ABCA9: variants seen among roughly 807,000 people sequenced by gnomAD.
ABCA9 encodes the protein ATP binding cassette subfamily A member 9.
A neutral mutation model predicts 205.3 loss-of-function variants in ABCA9; 183 were observed. The observed-to-expected ratio is 0.89, with a 90% CI of 0.79 to 1.01. ABCA9 has a LOEUF of 1.01. Ranked by LOEUF, ABCA9 falls within the 50% of genes least tolerant of loss-of-function variation. ABCA9 has a pLI of 0.00. For missense variants in ABCA9, 1,805 were observed against 1,912.4 expected, an observed-to-expected ratio of 0.94 and a Z score of 1.05; for synonymous variants, 651 against 683.3, an observed-to-expected ratio of 0.95 and a Z score of 0.74.
At position 68,993,080 on chromosome 17, in the gene ABCA9, G is replaced by A. The variant is rs777090048; in HGVS notation, c.3560C>T (p.Ser1187Phe). 4 of 1,612,982 alleles carry A rather than the reference G, an allele frequency of 2.5e-6. No individual in the cohort carries two copies. The highest frequency in any genetic ancestry group is 1.1e-5 in the South Asian group (1 of 91,034). ...TCCTAAGTAATCCATGGAATCAGGA[G>A]AAATCTGTAAAATGAGCAGTAAGTG... ...IGSLFIFSEI[S>F]PDSMDYLGAS... Residue 1187 changes from serine (S) to phenylalanine (F), a missense_variant, in exon 27 of 39, where the codon TCT becomes TTT. Physicochemically the swap from Ser to Phe is radical, Grantham distance 155 (BLOSUM62 -2). Coordinates refer to ENST00000340001, the MANE Select transcript of ABCA9 (RefSeq NM_080283.4).
chr17:69,073,675 T>C, the ABCA9 span, among the ~76,000 whole-genome samples: 1 of 152,034 alleles, frequency 6.6e-6, no homozygotes, highest in Non-Finnish European at 1.5e-5. Context: ...CACCCTAACA[T>C]TACAATTAAA....
At chr17:69,075,311 C>A in the ABCA9 span, among the ~76,000 whole-genome samples, 1 of 152,102 alleles carries the variant, frequency 6.6e-6, no homozygotes, top group African/African-American at 2.4e-5. Flanking sequence ...GTCATAAATT[C>A]TTTCCTAAGG....
In ABCA9 at chr17:69,060,906, T is replaced by A; in HGVS notation, c.-54A>T. On this transcript the variant is annotated 5_prime_UTR_variant, in exon 1 of 39. The change abolishes an upstream ATG in the 5' untranslated region. Transcript: ENST00000340001. ...AGGAAAAATCTAGAAACACAGTTCA[T>A]CCATGGGTCTCTGCATGTTCTGGAG... is the stretch of plus-strand genomic sequence containing the variant. The A allele has an allele frequency of 2.0e-6, 2 of 985,450 alleles. No homozygotes were observed. The highest frequency in any genetic ancestry group is 2.4e-6 in the Non-Finnish European group (2 of 829,934). The allele number at this position is 985,450 out of a possible 1,614,324, so 61.0% of individuals were successfully genotyped here.
chr17:69,020,395 A>G lies in ABCA9; in HGVS notation c.2593T>C (p.Trp865Arg), dbSNP rs367773788. ...LKLKKERKSL[W>R]TILLLFGISF... Reference sequence around the variant, plus strand: ...AAACACTCAGATACTCACATAGTCCACAGGCTTTTTCTTTCTTTCTTTAAC... The same window carrying G: ...AAACACTCAGATACTCACATAGTCCGCAGGCTTTTTCTTTCTTTCTTTAAC... The change falls in exon 19 of 39, where the codon TGG becomes CGG. Residue 865 changes from tryptophan to arginine, a missense_variant. By Grantham distance (101) the Trp-to-Arg change is moderately radical. Coordinates refer to ENST00000340001, the MANE Select transcript of ABCA9 (RefSeq NM_080283.4). The G allele has an allele frequency of 9.3e-6, 15 of 1,613,052 alleles. No individual in the cohort carries two copies. Among genetic ancestry groups the G allele is most frequent in the Non-Finnish European group, 1.0e-5 (12 of 1,179,580 alleles).
rs1598407811 is a variant in ABCA9, at chr17:69,044,550, A to C, written c.520T>G (p.Trp174Gly). The C allele has an allele frequency of 6.2e-7, 1 of 1,613,322 alleles. No homozygotes were observed. Among genetic ancestry groups the C allele is most frequent in the Admixed American group, 1.7e-5 (1 of 59,944 alleles). Reference protein sequence around the residue: ...EKMKCEGSEFWEKGFVAFQAA... With the variant: ...EKMKCEGSEFGEKGFVAFQAA... ...TGAAAAGCTACAAAGCCTTTCTCCC[A>C]GAACTCTGAACCTTCACACTTCATT... is the stretch of plus-strand genomic sequence containing the variant. Residue 174 changes from tryptophan (W) to glycine (G), a missense_variant, in exon 5 of 39, where the codon TGG becomes GGG. Coordinates refer to ENST00000340001, the MANE Select transcript of ABCA9 (RefSeq NM_080283.4).
chr17:68,999,713 C>T (rs1386385688), intron 25 of ABCA9, among the ~76,000 whole-genome samples: 1 of 152,194 alleles, frequency 6.6e-6, no homozygotes, highest in Non-Finnish European at 1.5e-5. Flanking sequence ...CTGACTTCCA[C>T]AATGGTTGAA....
Position 69,020,604 on chromosome 17 carries a change from T to C in ABCA9, c.2402-18A>G, listed in dbSNP as rs919741714. 3 of 1,603,104 alleles carry C rather than the reference T, an allele frequency of 1.9e-6. No individual in the cohort carries two copies. Among genetic ancestry groups the C allele is most frequent in the Admixed American group, 1.7e-5 (1 of 59,084 alleles). ...TCCAATATCTAAAACATAAGATCAATATTTTATAAAGTGCCATTTTAGTTA... is the reference window on the plus strand; with the variant it reads ...TCCAATATCTAAAACATAAGATCAACATTTTATAAAGTGCCATTTTAGTTA... On this transcript the variant is annotated intron_variant, in intron 18 of 38. Coordinates refer to ENST00000340001, the MANE Select transcript of ABCA9 (RefSeq NM_080283.4).
At chr17:69,065,890 C>A (rs768774760), upstream of ABCA9, among the ~76,000 whole-genome samples, 2 of 152,108 alleles carry the variant, frequency 1.3e-5, no homozygotes, top group African/African-American at 4.8e-5. Flanking sequence ...CTCATAAGAT[C>A]TGATGGTTTT....
At chr17:69,014,374 T>C (rs911915757) in intron 22 of ABCA9, among the ~76,000 whole-genome samples, 5 of 152,168 alleles carry the variant, frequency 3.3e-5, no homozygotes, top group South Asian at 2.1e-4. Context: ...ACGAATTTCA[T>C]GTTTAGACTT....
chr17:69,070,349 C>T, the ABCA9 span, among the ~76,000 whole-genome samples: 3 of 152,272 alleles, frequency 2.0e-5, no homozygotes, highest in Non-Finnish European at 2.9e-5. Context: ...CTAGCGAGAT[C>T]AACGCAGAAG....
intron 10 of ABCA9, among the ~76,000 whole-genome samples, chr17:69,030,101 C>G (rs1209594646): frequency 3.9e-5 from 6 of 152,136 alleles, no homozygotes; most frequent in Admixed American, 3.9e-4. Flanking sequence ...TAAGCCAGAT[C>G]CAAAGCATTT....
Position 69,044,562 on chromosome 17 carries a change from C to T in ABCA9, c.508G>A (p.Gly170Ser), listed in dbSNP as rs769511303. The T allele has an allele frequency of 6.2e-7, 1 of 1,613,104 alleles. No homozygotes were observed. Among genetic ancestry groups the T allele is most frequent in the African/African-American group, 1.3e-5 (1 of 74,964 alleles). The change falls in exon 5 of 39, where the codon GGT (glycine) becomes AGT (serine). Residue 170 changes from glycine (G) to serine (S), a missense_variant. By Grantham distance (56) the Gly-to-Ser change is moderately conservative. Transcript: ENST00000340001. ...AAGCCTTTCTCCCAGAACTCTGAAC[C>T]TTCACACTTCATTTTTTCATTCACT... ...QAVNEKMKCE[G>S]SEFWEKGFVA...
At chr17:69,078,909 TATTA>T in the ABCA9 span, 6 of 897,920 alleles carry the variant, frequency 6.7e-6, no homozygotes, top group Non-Finnish European at 9.9e-6. Context: ...TTAAACATAC[TATTA>T]ATTATTACAT....
At chr17:68,979,871 G>T (rs201202335) in intron 37 of ABCA9, among the ~76,000 whole-genome samples, 3 of 152,250 alleles carry the variant, frequency 2.0e-5, no homozygotes, top group East Asian at 1.9e-4. Context: ...GACACAGGCA[G>T]GGGCAAGGAC....
intron 22 of ABCA9, among the ~76,000 whole-genome samples, chr17:69,015,682 CA>C (rs1232532356): frequency 1.3e-5 from 2 of 152,116 alleles, no homozygotes. Flanking sequence ...ATAACTGGTC[CA>C]ACTTAGCCAG....
At position 68,983,726 on chromosome 17, in the gene ABCA9, C is replaced by G; in HGVS notation, c.4623G>C (p.Gln1541His). ...LHAEILRLFP[Q>H]AAQQERFSSL... ...GTGTCTACCTTTCCTGCTGAGCAGC[C>G]TGGGGGAAAAGCCTCAGGATCTCTG... Residue 1541 changes from glutamine (Q) to histidine (H), a missense_variant, in exon 36 of 39, where the codon CAG (glutamine) becomes CAC (histidine). Coordinates refer to ENST00000340001, the MANE Select transcript of ABCA9 (RefSeq NM_080283.4). 1 of 1,614,170 alleles carries G rather than the reference C, an allele frequency of 6.2e-7. No homozygotes were observed. Among genetic ancestry groups the G allele is most frequent in the Non-Finnish European group, 8.5e-7 (1 of 1,180,026 alleles).
chr17:68,983,900 G>A (rs764286424), intron 35 of ABCA9, 51 bp from the exon 36 acceptor site: 11 of 1,612,002 alleles, frequency 6.8e-6, no homozygotes, highest in Non-Finnish European at 9.3e-6. Flanking sequence ...AAAATGTATG[G>A]CTTGTGATGT....
chr17:69,059,899 CA>C (rs2072186379), intron 1 of ABCA9, among the ~76,000 whole-genome samples: 1 of 152,072 alleles, frequency 6.6e-6, no homozygotes, highest in Non-Finnish European at 1.5e-5. Context: ...ATAATCATGC[CA>C]TCGGAGCAGG....
intron 37 of ABCA9, among the ~76,000 whole-genome samples, chr17:68,978,922 G>A (rs1232781250): frequency 6.6e-6 from 1 of 151,984 alleles, no homozygotes; most frequent in Admixed American, 6.6e-5. Flanking sequence ...ACATACTGTT[G>A]GAAGTTCTGG....
Sources: gnomAD v4.1 joint callset for allele counts (sites outside exome capture counted in the v4.1 genomes callset) on GRCh38, gnomAD v4.1.1 for gene constraint, MANE v1.5 for transcripts, NCBI Gene and HGNC (gene_info 2026-07-23, HGNC 2026-07-21) for gene names.